Variants in L3MBTL3 observed in about 807,000 individuals in gnomAD.
The protein encoded by L3MBTL3 is L3MBTL histone methyl-lysine binding protein 3, also known as lethal(3)malignant brain tumor-like protein 3.
In L3MBTL3, 27 loss-of-function variants were observed where a neutral mutation model predicts 102.3. The ratio of observed to expected loss-of-function variants is 0.26; its 90% CI spans 0.19 to 0.36. The LOEUF is 0.36. Ranked by LOEUF, L3MBTL3 falls within the 10% of genes least tolerant of loss-of-function variation. The pLI is 1.00. For missense variants in L3MBTL3, 798 were observed against 955.3 expected, an observed-to-expected ratio of 0.84 and a Z score of 2.17; for synonymous variants, 340 against 320.9, an observed-to-expected ratio of 1.06 and a Z score of -0.64.
At chr6:130,108,953 G>A (rs1013327066) in intron 19 of L3MBTL3, among the ~76,000 whole-genome samples, 1 of 151,996 alleles carries the variant, frequency 6.6e-6, no homozygotes, top group African/African-American at 2.4e-5. Context: ...GAGAACGTGT[G>A]GTGTTTGGTT....
At chr6:130,061,046 C>T (rs1781862245) in intron 10 of L3MBTL3, among the ~76,000 whole-genome samples, 1 of 151,158 alleles carries the variant, frequency 6.6e-6, no homozygotes, top group African/African-American at 2.4e-5. Context: ...ATACTATGTG[C>T]CAGCGGCTAA....
chr6:130,048,450 G>T (rs1052499235), intron 3 of L3MBTL3, among the ~76,000 whole-genome samples: 5 of 152,096 alleles, frequency 3.3e-5, no homozygotes. Context: ...CCACACGTAG[G>T]TAAGCCTTCA....
At chr6:130,101,947 G>A (rs1415778542) in intron 18 of L3MBTL3, among the ~76,000 whole-genome samples, 7 of 152,166 alleles carry the variant, frequency 4.6e-5, no homozygotes, top group African/African-American at 9.7e-5. Flanking sequence ...TGCTCATGGC[G>A]ATGCGTGAAA....
intron 14 of L3MBTL3, among the ~76,000 whole-genome samples, chr6:130,079,039 T>C (rs973515138): frequency 6.6e-6 from 1 of 152,174 alleles, no homozygotes; most frequent in Non-Finnish European, 1.5e-5. Flanking sequence ...TATTTAAATA[T>C]ATTGTCTAAC....
chr6:130,105,175 A>C (rs1784912896), intron 19 of L3MBTL3, among the ~76,000 whole-genome samples: 1 of 152,194 alleles, frequency 6.6e-6, no homozygotes, highest in Admixed American at 6.5e-5. Flanking sequence ...AAGAAAGAAC[A>C]GATTAGGAAA....
At chr6:130,137,301 C>T (rs796629831) in intron 22 of L3MBTL3, among the ~76,000 whole-genome samples, 15 of 152,306 alleles carry the variant, frequency 9.8e-5, no homozygotes, top group African/African-American at 3.6e-4. Context: ...TAGCAAGACA[C>T]CTAATGTCTG....
intron 6 of L3MBTL3, among the ~76,000 whole-genome samples, chr6:130,051,803 A>G (rs930548023): frequency 1.3e-5 from 2 of 152,240 alleles, no homozygotes; most frequent in Non-Finnish European, 2.9e-5. Context: ...AACTCCACCT[A>G]CGGCATAAAG....
chr6:130,057,547 AC>A, intron 9 of L3MBTL3, 50 bp downstream of exon 9: 1 of 1,359,514 alleles, frequency 7.4e-7, no homozygotes, highest in Non-Finnish European at 1.0e-6. Flanking sequence ...GAGCTGGGAT[AC>A]CAGCCTGAAT....
At chr6:130,043,219 A>G (rs1243536657) in intron 3 of L3MBTL3, among the ~76,000 whole-genome samples, 1 of 152,182 alleles carries the variant, frequency 6.6e-6, no homozygotes, top group Admixed American at 6.5e-5. Context: ...TCATTTAAAA[A>G]CTGGATAATG....
rs572702187 is a variant in L3MBTL3 at position 130,122,661 on chromosome 6, A to T, written c.1966+1703A>T. 4.6e-5 allele frequency among the ~76,000 whole-genome samples: 7 copies of T among 152,366 alleles called. No homozygotes were observed. The East Asian group carries it at 1.3e-3, about 29-fold the overall frequency. On this transcript the variant is annotated intron_variant, in intron 20 of 22. Transcript: ENST00000361794. ...AAAAAGGCAGAAAAATATTTAATAT[A>T]TGAAGGTTTTGTTATCAGGGCTATT...
At chr6:130,090,252 C>T (rs539095225) in intron 16 of L3MBTL3, among the ~76,000 whole-genome samples, 1 of 151,606 alleles carries the variant, frequency 6.6e-6, no homozygotes, top group Non-Finnish European at 1.5e-5. Context: ...ATGAATATAC[C>T]ATAATTTATT....
At chr6:130,070,073 A>G (rs1347008964) in intron 12 of L3MBTL3, among the ~76,000 whole-genome samples, 2 of 152,184 alleles carry the variant, frequency 1.3e-5, no homozygotes, top group African/African-American at 2.4e-5. Context: ...TAATATCTGT[A>G]TAATTGAGTC....
chr6:130,093,311 G>T (rs1467751715), intron 17 of L3MBTL3, among the ~76,000 whole-genome samples: 1 of 152,088 alleles, frequency 6.6e-6, no homozygotes, highest in Non-Finnish European at 1.5e-5. Flanking sequence ...AAAAATCTCA[G>T]TTAAATTCAA....
intron 19 of L3MBTL3, among the ~76,000 whole-genome samples, chr6:130,119,669 A>G (rs1417134673): frequency 1.3e-5 from 2 of 152,192 alleles, no homozygotes; most frequent in African/African-American, 4.8e-5. Flanking sequence ...ATACTTCAGC[A>G]GTTGTAGCAA....
chr6:130,104,575 G>A lies in L3MBTL3; in HGVS notation c.1886G>A (p.Arg629Lys). The A allele has an allele frequency of 6.4e-7, 1 of 1,554,650 alleles. No homozygotes were observed. The highest frequency in any genetic ancestry group is 8.6e-7 in the Non-Finnish European group (1 of 1,156,398). The change falls in exon 19 of 23, where the codon AGA (arginine) becomes AAA (lysine). Residue 629 changes from arginine (R) to lysine (K), a missense_variant and splice_region_variant. This residue lies in a region of L3MBTL3 where 306 missense variants were observed against 314.4 expected (regional missense o/e 0.97). Coordinates refer to ENST00000361794, the MANE Select transcript of L3MBTL3 (RefSeq NM_032438.4). ...GAAAGCTCTTCTTCCCCTGAAATCA[G>A]GTAATCAAAGAGCTAATATTAGCAT... ...ANESSSSPEI[R>K]DQHADDVKED...
At chr6:130,106,253 A>T (rs941989834) in intron 19 of L3MBTL3, among the ~76,000 whole-genome samples, 3 of 152,168 alleles carry the variant, frequency 2.0e-5, no homozygotes, top group African/African-American at 7.2e-5. Context: ...AGTACTTGGC[A>T]TACCATCTTT....
intron 20 of L3MBTL3, among the ~76,000 whole-genome samples, chr6:130,124,713 A>G (rs941565570): frequency 7.2e-5 from 11 of 152,212 alleles, no homozygotes; most frequent in Non-Finnish European, 1.6e-4. Flanking sequence ...GCTCACGCCT[A>G]TAATCCCAAC....
intron 1 of L3MBTL3, among the ~76,000 whole-genome samples, chr6:130,020,161 G>A (rs1778883711): frequency 6.6e-6 from 1 of 151,066 alleles, no homozygotes; most frequent in African/African-American, 2.4e-5. Flanking sequence ...CCGCGTGTGT[G>A]TGCGGTTCCG....
In L3MBTL3 at chr6:130,026,510, T is replaced by TTTTAG. The variant is rs148345667; in HGVS notation, c.-16+4207_-16+4208insTAGTT. On this transcript the variant is annotated intron_variant, in intron 2 of 22. Transcript: ENST00000361794. Reference sequence around the variant, plus strand: ...TAAGGTATGTGCTCTTTTACATTGGTTTACTAAGATGAGCAATAATGAACA... The same window carrying TTTTAG: ...TAAGGTATGTGCTCTTTTACATTGGTTTTAGTTACTAAGATGAGCAATAATGAACA... Among the ~76,000 whole-genome samples, 8 of 152,234 alleles carry TTTTAG rather than the reference T, an allele frequency of 5.3e-5. No individual in the cohort carries two copies. In the East Asian group the frequency reaches 1.5e-3, roughly 29 times the overall value.
Sources: gnomAD v4.1 joint callset for allele counts (sites outside exome capture counted in the v4.1 genomes callset) on GRCh38, gnomAD v4.1.1 for gene constraint, gnomAD v4.1.1 regional missense constraint, MANE v1.5 for transcripts, NCBI Gene and HGNC (gene_info 2026-07-23, HGNC 2026-07-21) for gene names.